SCYL2: variants seen among roughly 807,000 people sequenced by gnomAD.
SCYL2 encodes SCY1 like pseudokinase 2.
A neutral mutation model predicts 100.4 loss-of-function variants in SCYL2; 36 were observed. That is an observed-to-expected ratio of 0.36 (90% CI 0.27 to 0.47). SCYL2 has a LOEUF of 0.47. Among genes scored for constraint, SCYL2 ranks in the 20% least tolerant of loss-of-function variants. The pLI, the probability that SCYL2 is intolerant of heterozygous loss-of-function variation, is 1.00. For missense variants in SCYL2, 902 were observed against 1,083.9 expected (o/e 0.83, Z 2.36); for synonymous variants, 330 against 359.2 (o/e 0.92, Z 0.92).
intron 10 of SCYL2, among the ~76,000 whole-genome samples, chr12:100,320,444 G>C (rs773629486): frequency 2.0e-5 from 3 of 152,070 alleles, no homozygotes; most frequent in Non-Finnish European, 2.9e-5. Context: ...CTACTCAGGA[G>C]GCTGAGGCAG....
At chr12:100,279,607 G>C (rs919616595) in intron 1 of SCYL2, among the ~76,000 whole-genome samples, 2 of 152,150 alleles carry the variant, frequency 1.3e-5, no homozygotes, top group African/African-American at 4.8e-5. Flanking sequence ...AGTAATTTAT[G>C]ATTACTTTGG....
At chr12:100,293,616 G>A (rs1171741310) in intron 3 of SCYL2, among the ~76,000 whole-genome samples, 1 of 151,506 alleles carries the variant, frequency 6.6e-6, no homozygotes, top group Non-Finnish European at 1.5e-5. Flanking sequence ...GTGGAGGGAA[G>A]GTCAGCAGCT....
intron 1 of SCYL2, among the ~76,000 whole-genome samples, chr12:100,268,151 G>A (rs1330320409): frequency 2.0e-5 from 3 of 152,188 alleles, no homozygotes; most frequent in South Asian, 2.1e-4. Context: ...AAAGCGCTAT[G>A]CCTGTAGTGA....
At chr12:100,332,582 A>G (rs1040190585) in intron 13 of SCYL2, among the ~76,000 whole-genome samples, 5 of 152,208 alleles carry the variant, frequency 3.3e-5, no homozygotes, top group African/African-American at 1.2e-4. Context: ...ATAAAGTACA[A>G]TAGTCTAAAC....
chr12:100,272,419 T>G (rs570096690), intron 1 of SCYL2, among the ~76,000 whole-genome samples: 1 of 152,354 alleles, frequency 6.6e-6, no homozygotes, highest in Admixed American at 6.5e-5. Flanking sequence ...CCTTGGAGAT[T>G]ACTCTGTCCT....
intron 1 of SCYL2, among the ~76,000 whole-genome samples, chr12:100,276,744 A>C (rs1328817771): frequency 6.6e-6 from 1 of 151,836 alleles, no homozygotes; most frequent in Non-Finnish European, 1.5e-5. Context: ...TTTCTCTATT[A>C]AATAAAGTAT....
At chr12:100,289,512 T>A (rs2096308132) in intron 2 of SCYL2, among the ~76,000 whole-genome samples, 1 of 152,226 alleles carries the variant, frequency 6.6e-6, no homozygotes, top group African/African-American at 2.4e-5. Flanking sequence ...TTGGCACATA[T>A]AAATACGCAA....
chr12:100,318,002 G>C, intron 10 of SCYL2, 77 bp downstream of exon 10: 1 of 1,360,020 alleles, frequency 7.4e-7, no homozygotes, highest in Non-Finnish European at 9.8e-7. Context: ...AGTACATTTT[G>C]GATTTAAGTC....
At chr12:100,303,575 A>G (rs1336236785) in intron 4 of SCYL2, among the ~76,000 whole-genome samples, 1 of 152,214 alleles carries the variant, frequency 6.6e-6, no homozygotes, top group Non-Finnish European at 1.5e-5. Flanking sequence ...TTGCCTGGGT[A>G]TCACCAGCGG....
chr12:100,336,506 A>C (rs575419621), intron 16 of SCYL2, among the ~76,000 whole-genome samples: 34 of 152,126 alleles, frequency 2.2e-4, no homozygotes, highest in Admixed American at 5.2e-4. Context: ...GTTTTCTCAT[A>C]ATTGGATTAA....
chr12:100,313,422 T>C lies in SCYL2; in HGVS notation c.853T>C (p.Leu285=), dbSNP rs139384795. ...YKSFSRQLDQ[L]SRLGSSSLTN... is the part of the protein sequence containing the mutation. ...TTAATGTTATCACTCTTTTGAATAGTTGAGTCGTTTAGGATCTAGTTCACT... is the reference window on the plus strand; with the variant it reads ...TTAATGTTATCACTCTTTTGAATAGCTGAGTCGTTTAGGATCTAGTTCACT... Residue 285 remains leucine (L), a splice_region_variant and synonymous_variant, in exon 7 of 18, where the codon TTG becomes CTG. Transcript: ENST00000360820. 3.5e-6 allele frequency: 5 copies of C among 1,439,966 alleles called. No homozygotes were observed. Among genetic ancestry groups the C allele is most frequent in the Non-Finnish European group, 4.9e-6 (5 of 1,026,648 alleles). The allele number at this position is 1,439,966 out of a possible 1,614,324, so 89.2% of individuals were successfully genotyped here.
intron 4 of SCYL2, among the ~76,000 whole-genome samples, chr12:100,306,149 T>G (rs2096334093): frequency 6.6e-6 from 1 of 152,174 alleles, no homozygotes; most frequent in Non-Finnish European, 1.5e-5. Flanking sequence ...CCTAACTCAT[T>G]TTATGAGGCC....
Position 100,339,435 on chromosome 12 carries a change from A to C in SCYL2, c.*263A>C, listed in dbSNP as rs1050237703. 5 of 417,294 alleles carry C rather than the reference A, an allele frequency of 1.2e-5. No individual in the cohort carries two copies. Among genetic ancestry groups the C allele is most frequent in the African/African-American group, 1.0e-4 (5 of 48,962 alleles). 25.8% of individuals were successfully genotyped at this position (417,294 alleles called of 1,614,324 possible). ...AGCCCTTCCCAATCTCAAAGAGAAA[A>C]AGGAAACTGAGTTATCTTGAATAAC... is the stretch of plus-strand genomic sequence containing the variant. On this transcript the variant is annotated 3_prime_UTR_variant, in exon 18 of 18. Coordinates refer to ENST00000360820, the MANE Select transcript of SCYL2 (RefSeq NM_017988.6).
At chr12:100,276,166 G>A (rs1286371041) in intron 1 of SCYL2, among the ~76,000 whole-genome samples, 1 of 152,156 alleles carries the variant, frequency 6.6e-6, no homozygotes, top group Non-Finnish European at 1.5e-5. Flanking sequence ...GAAATGGAAA[G>A]TATCCTCCCC....
At chr12:100,319,177 G>A (rs776639158) in intron 10 of SCYL2, 1 of 455,180 alleles carries the variant, frequency 2.2e-6, no homozygotes. Context: ...TATTTCGTTT[G>A]TTCAAGGCTG....
At chr12:100,320,336 G>A (rs1304599280) in intron 10 of SCYL2, among the ~76,000 whole-genome samples, 1 of 152,086 alleles carries the variant, frequency 6.6e-6, no homozygotes, top group Non-Finnish European at 1.5e-5. Context: ...CCTGAGGTCA[G>A]GAGTTCAAGA....
intron 3 of SCYL2, among the ~76,000 whole-genome samples, chr12:100,294,878 G>A (rs1429308502): frequency 3.4e-4 from 51 of 150,870 alleles, no homozygotes; most frequent in African/African-American, 1.2e-3. Flanking sequence ...GCTGCCGGGC[G>A]GAGAGGCTCC....
At chr12:100,273,372 C>G (rs1230119933) in intron 1 of SCYL2, among the ~76,000 whole-genome samples, 3 of 152,116 alleles carry the variant, frequency 2.0e-5, no homozygotes, top group Non-Finnish European at 4.4e-5. Context: ...CATGTATATT[C>G]TGTAGCGTTT....
At chr12:100,338,417 C>T (rs982381356) in intron 17 of SCYL2, 111 bp from the exon 18 acceptor site, 6 of 938,264 alleles carry the variant, frequency 6.4e-6, no homozygotes, top group Non-Finnish European at 7.7e-6. Context: ...TTGGTGTAGA[C>T]CATTGAGCTT....
Sources: allele counts gnomAD v4.1 joint callset (sites outside exome capture counted in the v4.1 genomes callset), GRCh38; gene constraint gnomAD v4.1.1; transcripts MANE v1.5; gene names NCBI Gene and HGNC (gene_info 2026-07-23, HGNC 2026-07-21).